Variants in XPR1 observed in about 807,000 individuals in gnomAD.
The protein encoded by XPR1 is solute carrier family 53 member 1.
In XPR1, 28 loss-of-function variants were observed where a neutral mutation model predicts 87.5. The ratio of observed to expected loss-of-function variants is 0.32; its 90% CI spans 0.24 to 0.44. XPR1 has a LOEUF of 0.44. XPR1 is among the 20% of genes least tolerant of loss of function. The pLI is 1.00. For missense variants in XPR1, 559 were observed against 862.3 expected (o/e 0.65, Z 4.41); for synonymous variants, 300 against 306.1 (o/e 0.98, Z 0.21).
intron 11 of XPR1, among the ~76,000 whole-genome samples, chr1:180,850,837 T>C (rs1371460037): frequency 1.3e-5 from 2 of 152,096 alleles, no homozygotes; most frequent in Non-Finnish European, 2.9e-5. Flanking sequence ...TACACACCTG[T>C]ATTTCTAGCT....
chr1:180,641,458 A>C (rs1404792931), intron 1 of XPR1, among the ~76,000 whole-genome samples: 2 of 152,146 alleles, frequency 1.3e-5, no homozygotes, highest in Admixed American at 1.3e-4. Context: ...TTAATAAATC[A>C]CTCTTAACCT....
chr1:180,785,047 T>TGTGTGTGTGTGTG (rs1649088687), intron 2 of XPR1, among the ~76,000 whole-genome samples: 2 of 37,800 alleles, frequency 5.3e-5, no homozygotes, highest in African/African-American at 1.2e-4. Flanking sequence ...GTGTGTGTGT[T>TGTGTGTGTGTGTG]ACTATAACCT....
intron 12 of XPR1, among the ~76,000 whole-genome samples, chr1:180,872,826 C>T (rs1652546076): frequency 6.6e-6 from 1 of 152,034 alleles, no homozygotes; most frequent in African/African-American, 2.4e-5. Flanking sequence ...CCTATTCGGC[C>T]ATCTTGGCTC....
intron 2 of XPR1, among the ~76,000 whole-genome samples, chr1:180,695,867 T>G (rs925638616): frequency 3.9e-5 from 6 of 152,188 alleles, no homozygotes; most frequent in Admixed American, 1.3e-4. Flanking sequence ...GGTAGTGTGA[T>G]GCCTTCAGCT....
At chr1:180,878,312 C>T (rs900492538) in intron 13 of XPR1, 1 of 152,190 alleles carries the variant, frequency 6.6e-6, no homozygotes, top group Non-Finnish European at 1.5e-5. Flanking sequence ...TCAGCTTTCT[C>T]TCTCCAACTA....
intron 2 of XPR1, among the ~76,000 whole-genome samples, chr1:180,688,925 T>C (rs1363945303): frequency 6.6e-6 from 1 of 152,198 alleles, no homozygotes. Context: ...ATATATAAAT[T>C]ACATGCTGTA....
chr1:180,761,876 G>A (rs1648048395), intron 2 of XPR1, among the ~76,000 whole-genome samples: 1 of 152,116 alleles, frequency 6.6e-6, no homozygotes, highest in Admixed American at 6.5e-5. Flanking sequence ...CAACCCAAAT[G>A]TCCAACAACA....
At chr1:180,750,111 T>G (rs956167094) in intron 2 of XPR1, among the ~76,000 whole-genome samples, 2 of 152,234 alleles carry the variant, frequency 1.3e-5, no homozygotes, top group African/African-American at 2.4e-5. Context: ...GAAATTGAAG[T>G]AATTTAATTT....
intron 7 of XPR1, among the ~76,000 whole-genome samples, chr1:180,817,492 A>C (rs978356462): frequency 6.6e-6 from 1 of 152,126 alleles, no homozygotes; most frequent in Admixed American, 6.6e-5. Context: ...TTTATAATGT[A>C]TTTTTACTGT....
chr1:180,756,250 G>A (rs1225278987), intron 2 of XPR1, among the ~76,000 whole-genome samples: 1 of 152,180 alleles, frequency 6.6e-6, no homozygotes, highest in African/African-American at 2.4e-5. Flanking sequence ...AAGTGTAAAG[G>A]TTAAAAAATC....
At chr1:180,659,655 AT>A (rs1481372857) in intron 1 of XPR1, among the ~76,000 whole-genome samples, 4 of 132,692 alleles carry the variant, frequency 3.0e-5, no homozygotes, top group African/African-American at 1.1e-4. Flanking sequence ...AGTAGCTGGG[AT>A]TACAGGCACC....
At chr1:180,838,734 G>A (rs376534525) in intron 11 of XPR1, among the ~76,000 whole-genome samples, 2 of 152,140 alleles carry the variant, frequency 1.3e-5, no homozygotes, top group South Asian at 4.1e-4. Context: ...TTTCTATTGT[G>A]CAATAGTCAG....
intron 1 of XPR1, among the ~76,000 whole-genome samples, chr1:180,650,633 G>C (rs1655264842): frequency 6.6e-6 from 1 of 152,184 alleles, no homozygotes; most frequent in Non-Finnish European, 1.5e-5. Context: ...CTAGTAACAA[G>C]AGTGAGGAAG....
chr1:180,834,208 A>G (rs1015008303), intron 9 of XPR1, among the ~76,000 whole-genome samples: 1 of 151,948 alleles, frequency 6.6e-6, no homozygotes, highest in Non-Finnish European at 1.5e-5. Flanking sequence ...CAGCCTCCCA[A>G]GTAGCTGGGA....
chr1:180,815,256 TG>T (rs763742083), intron 7 of XPR1, among the ~76,000 whole-genome samples: 1 of 152,198 alleles, frequency 6.6e-6, no homozygotes, highest in African/African-American at 2.4e-5. Context: ...AGGGTTTTTT[TG>T]TTTAGTATAT....
chr1:180,685,621 T>G (rs1256625075), intron 2 of XPR1, among the ~76,000 whole-genome samples: 6 of 152,134 alleles, frequency 3.9e-5, no homozygotes, highest in Admixed American at 3.9e-4. Flanking sequence ...GGTCCTGGAC[T>G]TTTTTTGGTT....
chr1:180,785,230 A>G lies in XPR1; in HGVS notation c.122-2523A>G, dbSNP rs1571835727. 3.3e-5 allele frequency among the ~76,000 whole-genome samples: 5 copies of G among 151,558 alleles called. 1 individual carries two copies. In the East Asian group the frequency reaches 9.7e-4, roughly 29 times the overall value. On this transcript the variant is annotated intron_variant, in intron 2 of 14. Transcript: ENST00000367590. ...AGTGGTGGGATCTCAGCTCACTGCA[A>G]CCTCCACCTCCTCCCAGGTTCAAGC...
chr1:180,841,867 C>G (rs377700205), intron 11 of XPR1, among the ~76,000 whole-genome samples: 1 of 151,440 alleles, frequency 6.6e-6, no homozygotes, highest in Non-Finnish European at 1.5e-5. Context: ...AGCTTAAAAT[C>G]GAGGGAAAAA....
At chr1:180,825,014 G>T in intron 8 of XPR1, 71 bp downstream of exon 8, 2 of 1,529,600 alleles carry the variant, frequency 1.3e-6, no homozygotes, top group Non-Finnish European at 1.8e-6. Flanking sequence ...GGTTTAGTGG[G>T]TACTTAAATC....
Sources: allele counts gnomAD v4.1 joint callset (sites outside exome capture counted in the v4.1 genomes callset), GRCh38; gene constraint gnomAD v4.1.1; transcripts MANE v1.5; gene names NCBI Gene and HGNC (gene_info 2026-07-23, HGNC 2026-07-21).